The following ANKRD34C variants were observed in gnomAD, a reference collection of about 807,000 sequenced individuals.
ANKRD34C encodes ankyrin repeat domain 34C, also known as ankyrin repeat domain-containing protein 34C.
For synonymous variants in ANKRD34C, 260 were observed against 253.6 expected (o/e 1.03, Z -0.24); for missense variants, 563 against 653.0 (o/e 0.86, Z 1.50).
At chr15:79,290,169 T>C (rs2058655556) in intron 1 of ANKRD34C, among the ~76,000 whole-genome samples, 1 of 144,434 alleles carries the variant, frequency 6.9e-6, no homozygotes, top group African/African-American at 2.5e-5. Flanking sequence ...GGCCTATATG[T>C]GCAAGCCATG....
At chr15:79,287,394 A>G (rs2058648183) in intron 1 of ANKRD34C, among the ~76,000 whole-genome samples, 1 of 152,236 alleles carries the variant, frequency 6.6e-6, no homozygotes, top group Non-Finnish European at 1.5e-5. Context: ...GCACATGGCA[A>G]GCATACCATA....
Position 79,294,075 on chromosome 15 carries a change from C to T in ANKRD34C, c.791C>T (p.Ala264Val). ...GGCCTGATAGCGCCCTCGGTGCTGG[C>T]AGCCTCGACGCGTCAGGATGAGACC... ...PWGLIAPSVL[A>V]ASTRQDETHG... The change falls in exon 2 of 2, where the codon GCA becomes GTA. Residue 264 changes from alanine (A) to valine (V), a missense_variant. Coordinates refer to ENST00000421388, the MANE Select transcript of ANKRD34C (RefSeq NM_001146341.2). The T allele has an allele frequency of 1.3e-6, 2 of 1,551,558 alleles. No homozygotes were observed. Among genetic ancestry groups the T allele is most frequent in the East Asian group, 2.4e-5 (1 of 40,918 alleles).
rs1184512501 is a variant in ANKRD34C at position 79,294,126 on chromosome 15, T to A, written c.842T>A (p.Val281Asp). Residue 281 changes from valine (V) to aspartate (D), a missense_variant, in exon 2 of 2, where the codon GTC becomes GAC. Transcript: ENST00000421388. ...ETHGASTDNE[V>D]IKSISDISFP... ...CATGGTGCCAGCACAGACAACGAGG[T>A]CATCAAGAGCATCAGTGATATATCC... 6.4e-7 allele frequency: 1 copy of A among 1,551,374 alleles called. No homozygotes were observed. The highest frequency in any genetic ancestry group is 1.2e-5 in the South Asian group (1 of 84,036).
Position 79,295,872 on chromosome 15 carries a change from G to A in ANKRD34C, c.*980G>A, listed in dbSNP as rs529666336. 6 of 167,110 alleles carry A rather than the reference G, an allele frequency of 3.6e-5. No individual in the cohort carries two copies. The South Asian group carries it at 1.2e-3, about 35-fold the overall frequency. 10.4% of individuals were successfully genotyped at this position (167,110 alleles called of 1,614,324 possible). ...ATTTTGCAGCCTAAAAATTTTAGGG[G>A]ATGCAAACTGTCATTTCCCCTTCAG... On this transcript the variant is annotated 3_prime_UTR_variant, in exon 2 of 2. Coordinates refer to ENST00000421388, the MANE Select transcript of ANKRD34C (RefSeq NM_001146341.2).
intron 1 of ANKRD34C, among the ~76,000 whole-genome samples, chr15:79,285,291 C>T (rs146311819): frequency 7.9e-5 from 12 of 152,262 alleles, no homozygotes; most frequent in African/African-American, 2.2e-4. Context: ...AGACTCTTCT[C>T]TTTTGTATAA....
rs185564791 is a variant in ANKRD34C at position 79,282,913 on chromosome 15, A to C, written c.-360A>C. ...TGCTTCTTTCTTTTTCTTAAAACCA[A>C]ACCAAACCAAACCAAACCCAAAACT... On this transcript the variant is annotated 5_prime_UTR_variant, in exon 1 of 2. Transcript: ENST00000421388. 8.1e-4 allele frequency among the ~76,000 whole-genome samples: 123 copies of C among 152,296 alleles called. No homozygotes were observed. Among genetic ancestry groups the C allele is most frequent in the African/African-American group, 2.9e-3 (120 of 41,564 alleles).
chr15:79,288,812 CTTTTTTTTT>C (rs60075615), intron 1 of ANKRD34C, among the ~76,000 whole-genome samples: 61 of 55,564 alleles, frequency 1.1e-3, no homozygotes, highest in African/African-American at 3.5e-3. Flanking sequence ...GCCCAGTATT[CTTTTTTTTT>C]TTTTTTTTTT....
chr15:79,286,484 A>G (rs1400565942), intron 1 of ANKRD34C, among the ~76,000 whole-genome samples: 1 of 152,202 alleles, frequency 6.6e-6, no homozygotes, highest in Non-Finnish European at 1.5e-5. Context: ...GATCTTGTAA[A>G]TCATTTAATA....
Position 79,294,217 on chromosome 15 carries a change from C to T in ANKRD34C, c.933C>T (p.His311=), listed in dbSNP as rs2058666856. 1.3e-6 allele frequency: 2 copies of T among 1,551,572 alleles called. No individual in the cohort carries two copies. The highest frequency in any genetic ancestry group is 1.7e-6 in the Non-Finnish European group (2 of 1,146,914). The change falls in exon 2 of 2, where the codon CAC becomes CAT. Residue 311 remains histidine, a synonymous_variant. Transcript: ENST00000421388. The part of the protein sequence containing the change: ...SIDSKDPTLF[H]TVTEQVLKIP... ...ATAGCAAAGACCCCACCCTCTTTCA[C>T]ACAGTCACAGAGCAGGTTCTGAAGA...
chr15:79,294,246 CA>C lies in ANKRD34C; in HGVS notation c.963del (p.Val322SerfsTer61). ...HTVTEQVLKI[P>X]VSSAPASWKA... ...GTCACAGAGCAGGTTCTGAAGATTC[CA>C]GTCTCTTCAGCACCGGCATCCTGGA... On this transcript the variant is annotated frameshift_variant, in exon 2 of 2. Coordinates refer to ENST00000421388, the MANE Select transcript of ANKRD34C (RefSeq NM_001146341.2). LOFTEE classifies it low-confidence loss of function (END_TRUNC). 1 of 1,551,570 alleles carries C rather than the reference CA, an allele frequency of 6.4e-7. No homozygotes were observed.
At chr15:79,286,427 A>T (rs992556035) in intron 1 of ANKRD34C, among the ~76,000 whole-genome samples, 2 of 152,230 alleles carry the variant, frequency 1.3e-5, no homozygotes, top group Non-Finnish European at 2.9e-5. Flanking sequence ...GGAATGCTTC[A>T]GCTTTTTTCA....
Position 79,294,701 on chromosome 15 carries a change from C to G in ANKRD34C, c.1417C>G (p.Pro473Ala). The change falls in exon 2 of 2, where the codon CCT becomes GCT. Residue 473 changes from proline (P) to alanine (A), a missense_variant. Coordinates refer to ENST00000421388, the MANE Select transcript of ANKRD34C (RefSeq NM_001146341.2). Reference protein sequence around the residue: ...LPPLNVNLNPPIPDIRSSSKP... With the variant: ...LPPLNVNLNPAIPDIRSSSKP... Reference sequence around the variant, plus strand: ...GCCTTTAAATGTGAATCTGAACCCGCCTATTCCAGATATTAGATCTAGCAG... The same window carrying G: ...GCCTTTAAATGTGAATCTGAACCCGGCTATTCCAGATATTAGATCTAGCAG... 1.3e-6 allele frequency: 2 copies of G among 1,551,706 alleles called. No individual in the cohort carries two copies.
intron 1 of ANKRD34C, among the ~76,000 whole-genome samples, chr15:79,288,638 T>C (rs2058651824): frequency 6.6e-6 from 1 of 152,070 alleles, no homozygotes; most frequent in South Asian, 2.1e-4. Flanking sequence ...AGGTTTGAAC[T>C]TTGTTAAGAC....
intron 1 of ANKRD34C, among the ~76,000 whole-genome samples, chr15:79,288,920 A>C (rs1393378792): frequency 1.4e-5 from 2 of 147,046 alleles, no homozygotes; most frequent in East Asian, 4.0e-4. Flanking sequence ...TCCTGGGTTC[A>C]AGTGATTCTC....
chr15:79,286,450 T>G lies in ANKRD34C; in HGVS notation c.-45+3222T>G, dbSNP rs55694214. On this transcript the variant is annotated intron_variant, in intron 1 of 1. Coordinates refer to ENST00000421388, the MANE Select transcript of ANKRD34C (RefSeq NM_001146341.2). The stretch of plus-strand genomic sequence containing the variant: ...TCAGCTTTTTTCAATCCAGATTGTT[T>G]CTTTTCTCTCCAACGAGCTTAGAGA... Among the ~76,000 whole-genome samples, 874 of 152,368 alleles carry G rather than the reference T, an allele frequency of 5.7e-3. 6 individuals carry two copies. The highest frequency in any genetic ancestry group is 0.017 in the Middle Eastern group (5 of 294).
rs2058665410 is a variant in ANKRD34C at position 79,293,775 on chromosome 15, C to G, written c.491C>G (p.Thr164Ser). Residue 164 changes from threonine (T) to serine (S), a missense_variant, in exon 2 of 2, where the codon ACC becomes AGC. Coordinates refer to ENST00000421388, the MANE Select transcript of ANKRD34C (RefSeq NM_001146341.2). Reference sequence around the variant, plus strand: ...AAATCGTCTTCAGGCACCAAAACCACCAAACAGTATCTTAATGTCCCTCCT... The same window carrying G: ...AAATCGTCTTCAGGCACCAAAACCAGCAAACAGTATCTTAATGTCCCTCCT... ...TDKSSSGTKT[T>S]KQYLNVPPSP... The G allele has an allele frequency of 6.4e-7, 1 of 1,551,628 alleles. No individual in the cohort carries two copies. Among genetic ancestry groups the G allele is most frequent in the Non-Finnish European group, 8.7e-7 (1 of 1,147,008 alleles).
At position 79,295,022 on chromosome 15, in the gene ANKRD34C, C is replaced by G. The variant is rs942495933; in HGVS notation, c.*130C>G. The G allele has an allele frequency of 6.8e-6, 7 of 1,025,916 alleles. No homozygotes were observed. The African/African-American group carries it at 1.1e-4, about 17-fold the overall frequency. 63.6% of individuals were successfully genotyped at this position (1,025,916 alleles called of 1,614,324 possible). On this transcript the variant is annotated 3_prime_UTR_variant, in exon 2 of 2. Coordinates refer to ENST00000421388, the MANE Select transcript of ANKRD34C (RefSeq NM_001146341.2). ...GATATAAAAGCAGGATGCTGCTTCA[C>G]TTCTGAGAATAATCCCTGGGTTTTT...
chr15:79,291,172 G>A (rs549643446), intron 1 of ANKRD34C, among the ~76,000 whole-genome samples: 1 of 152,200 alleles, frequency 6.6e-6, no homozygotes, highest in African/African-American at 2.4e-5. Context: ...GAAGTTTGGG[G>A]GATGATGAAT....
At chr15:79,292,237 C>T (rs1407045937) in intron 1 of ANKRD34C, among the ~76,000 whole-genome samples, 1 of 152,136 alleles carries the variant, frequency 6.6e-6, no homozygotes, top group African/African-American at 2.4e-5. Flanking sequence ...CAATGTGGTA[C>T]CCGTGGGCTG....
Sources: allele counts gnomAD v4.1 joint callset (sites outside exome capture counted in the v4.1 genomes callset), GRCh38; gene constraint gnomAD v4.1.1; transcripts MANE v1.5; gene names NCBI Gene and HGNC (gene_info 2026-07-23, HGNC 2026-07-21).